The following CHRM3 variants were observed in gnomAD, a reference collection of about 807,000 sequenced individuals.
CHRM3 encodes the protein muscarinic acetylcholine receptor M3.
A neutral mutation model predicts 41.8 loss-of-function variants in CHRM3; 11 were observed. The observed-to-expected ratio is 0.26, with a 90% confidence interval of 0.17 to 0.44. CHRM3 has a LOEUF of 0.44. Ranked by LOEUF, CHRM3 falls within the 20% of genes least tolerant of loss-of-function variation. The pLI, the probability that CHRM3 is intolerant of heterozygous loss-of-function variation, is 1.00. For missense variants in CHRM3, 571 were observed against 745.4 expected (o/e 0.77, Z 2.72); for synonymous variants, 297 against 301.4 (o/e 0.99, Z 0.15).
At chr1:239,656,515 TCTATAATCCCAGCTA>T (rs1573158268) in intron 4 of CHRM3, among the ~76,000 whole-genome samples, 1 of 151,144 alleles carries the variant, frequency 6.6e-6, no homozygotes, top group African/African-American at 2.4e-5. Context: ...GTGATATGCA[TCTATAATCCCAGCTA>T]CTTGGAAGGC....
At chr1:239,650,939 T>C (rs931195166) in intron 4 of CHRM3, among the ~76,000 whole-genome samples, 7 of 152,194 alleles carry the variant, frequency 4.6e-5, no homozygotes, top group South Asian at 2.1e-4. Flanking sequence ...ATAAAATATG[T>C]GCACATTAAT....
chr1:239,482,908 T>G (rs1197956967), intron 1 of CHRM3, among the ~76,000 whole-genome samples: 1 of 152,240 alleles, frequency 6.6e-6, no homozygotes, highest in East Asian at 1.9e-4. Context: ...TGATATGCCT[T>G]TAATATTTTA....
chr1:239,527,788 TATCTC>T (rs1171770764), intron 2 of CHRM3, among the ~76,000 whole-genome samples: 1 of 152,228 alleles, frequency 6.6e-6, no homozygotes, highest in African/African-American at 2.4e-5. Flanking sequence ...TCAAAGAACT[TATCTC>T]AGAGGCTTAT....
intron 5 of CHRM3, among the ~76,000 whole-genome samples, chr1:239,744,779 C>A (rs1268038214): frequency 6.6e-6 from 1 of 151,992 alleles, no homozygotes; most frequent in Non-Finnish European, 1.5e-5. Flanking sequence ...TGGTAAATAC[C>A]CATGGAAGTC....
chr1:239,521,779 A>G (rs12760380), intron 2 of CHRM3, among the ~76,000 whole-genome samples: 7 of 152,176 alleles, frequency 4.6e-5, no homozygotes, highest in African/African-American at 1.7e-4. Context: ...ATAACGTACA[A>G]CAATAAATAA....
At chr1:239,680,294 C>T (rs987801639) in intron 5 of CHRM3, among the ~76,000 whole-genome samples, 1 of 152,040 alleles carries the variant, frequency 6.6e-6, no homozygotes, top group Non-Finnish European at 1.5e-5. Context: ...ATCATTTATA[C>T]TAGGTTGAAT....
In CHRM3 at chr1:239,431,732, G is replaced by A. The variant is rs534301269; in HGVS notation, c.-521+44505G>A. ...TAGCAAACAGTGCTTGGTTCCCTTTGAAGAAATTAAGCTGAAAAGGGTACC... is the reference window on the plus strand; with the variant it reads ...TAGCAAACAGTGCTTGGTTCCCTTTAAAGAAATTAAGCTGAAAAGGGTACC... On this transcript the variant is annotated intron_variant, in intron 1 of 6. Transcript: ENST00000676153. 2.0e-5 allele frequency among the ~76,000 whole-genome samples: 3 copies of A among 152,252 alleles called. No homozygotes were observed. In the South Asian group the frequency reaches 6.2e-4, roughly 32 times the overall value.
At chr1:239,739,544 G>T (rs1664664912) in intron 5 of CHRM3, among the ~76,000 whole-genome samples, 1 of 152,070 alleles carries the variant, frequency 6.6e-6, no homozygotes, top group Non-Finnish European at 1.5e-5. Flanking sequence ...GAATACTGAG[G>T]TTTCCCACCC....
chr1:239,781,670 A>T (rs1668519133), intron 5 of CHRM3, among the ~76,000 whole-genome samples: 1 of 152,126 alleles, frequency 6.6e-6, no homozygotes, highest in African/African-American at 2.4e-5. Context: ...AGCAGTGGTG[A>T]GCGGGGACAT....
rs73109182 is a variant in CHRM3 at position 239,681,266 on chromosome 1, A to C, written c.-147+2978A>C. 3.6e-3 allele frequency among the ~76,000 whole-genome samples: 542 copies of C among 152,306 alleles called. 3 individuals are homozygous for C. The highest frequency in any genetic ancestry group is 0.012 in the African/African-American group (501 of 41,578). On this transcript the variant is annotated intron_variant, in intron 5 of 6. Transcript: ENST00000676153. ...ATCTTTACTGTAGACTCTTATGCCC[A>C]TGGTTACATTTCCCATGGGAAGGGA...
At chr1:239,878,434 G>A (rs1273992572) in intron 6 of CHRM3, among the ~76,000 whole-genome samples, 1 of 152,084 alleles carries the variant, frequency 6.6e-6, no homozygotes, top group Admixed American at 6.5e-5. Flanking sequence ...AGTCATGAGA[G>A]TAATGGGGAG....
chr1:239,436,351 C>G (rs186009683), intron 1 of CHRM3, among the ~76,000 whole-genome samples: 1 of 152,120 alleles, frequency 6.6e-6, no homozygotes, highest in African/African-American at 2.4e-5. Flanking sequence ...TCCTGAGTGT[C>G]GCAGAGCAGA....
chr1:239,473,276 A>T (rs1259901306), intron 1 of CHRM3, among the ~76,000 whole-genome samples: 5 of 151,772 alleles, frequency 3.3e-5, no homozygotes, highest in Non-Finnish European at 7.4e-5. Context: ...AAAAAAAAAA[A>T]AAAAAGGACT....
intron 4 of CHRM3, among the ~76,000 whole-genome samples, chr1:239,639,917 T>C (rs1020996765): frequency 1.3e-5 from 2 of 149,518 alleles, no homozygotes; most frequent in African/African-American, 4.9e-5. Context: ...AGATAGCTCT[T>C]ATTATTTTGA....
chr1:239,705,631 G>A (rs906003189), intron 5 of CHRM3: 2 of 152,098 alleles, frequency 1.3e-5, no homozygotes, highest in African/African-American at 2.4e-5. Flanking sequence ...CTCTAGTGAT[G>A]TTGGATTAAG....
intron 1 of CHRM3, among the ~76,000 whole-genome samples, chr1:239,404,426 GAA>G (rs1175804866): frequency 3.8e-5 from 4 of 104,808 alleles, no homozygotes; most frequent in Admixed American, 9.6e-5. Flanking sequence ...AAGAAAGAAA[GAA>G]AGAAAGAAAG....
chr1:239,416,583 T>C (rs1201206457), intron 1 of CHRM3, among the ~76,000 whole-genome samples: 1 of 151,406 alleles, frequency 6.6e-6, no homozygotes, highest in Non-Finnish European at 1.5e-5. Flanking sequence ...TAATATTTTC[T>C]TTCTTTTCAG....
chr1:239,751,074 A>T (rs1477643650), intron 5 of CHRM3, among the ~76,000 whole-genome samples: 1 of 152,122 alleles, frequency 6.6e-6, no homozygotes, highest in African/African-American at 2.4e-5. Flanking sequence ...CTAAAAATAA[A>T]AAATAAAAAA....
chr1:239,648,236 C>T (rs1385919911), intron 4 of CHRM3, among the ~76,000 whole-genome samples: 2 of 152,168 alleles, frequency 1.3e-5, no homozygotes, highest in Non-Finnish European at 2.9e-5. Flanking sequence ...TAATAGTTTT[C>T]ACTGATGCTT....
Sources: allele counts gnomAD v4.1 joint callset (sites outside exome capture counted in the v4.1 genomes callset), GRCh38; gene constraint gnomAD v4.1.1; transcripts MANE v1.5; gene names NCBI Gene and HGNC (gene_info 2026-07-23, HGNC 2026-07-21).